The following PPP1R9A variants were observed in gnomAD, a reference collection of about 807,000 sequenced individuals.
PPP1R9A encodes protein phosphatase 1 regulatory subunit 9A, also known as neurabin-1.
In PPP1R9A, 59 loss-of-function variants were observed where a neutral mutation model predicts 141.9. That is an observed-to-expected ratio of 0.42 (90% CI 0.34 to 0.52). The LOEUF (loss-of-function observed/expected upper bound fraction) is 0.52. PPP1R9A is among the 20% of genes least tolerant of loss of function. The pLI, the probability that PPP1R9A is intolerant of heterozygous loss-of-function variation, is 0.10. For synonymous variants in PPP1R9A, 500 were observed against 569.7 expected, an observed-to-expected ratio of 0.88 and a Z score of 1.74; for missense variants, 1,444 against 1,611.9, an observed-to-expected ratio of 0.90 and a Z score of 1.78.
chr7:95,191,454 ATTTC>A (rs954951038), intron 5 of PPP1R9A, among the ~76,000 whole-genome samples: 55 of 152,262 alleles, frequency 3.6e-4, no homozygotes, highest in African/African-American at 1.3e-3. Context: ...AAACATTATC[ATTTC>A]TTTATGTTGG....
intron 4 of PPP1R9A, among the ~76,000 whole-genome samples, chr7:95,158,053 CTA>C (rs1829904692): frequency 6.6e-6 from 1 of 152,074 alleles, no homozygotes. Context: ...GAGAATTGCC[CTA>C]TGAAATGCAA....
chr7:95,029,299 T>A (rs1807327453), intron 2 of PPP1R9A, among the ~76,000 whole-genome samples: 1 of 152,224 alleles, frequency 6.6e-6, no homozygotes, highest in Non-Finnish European at 1.5e-5. Context: ...TTATTGTTAT[T>A]ATTGTTGTGT....
At chr7:94,971,230 G>T (rs544193816) in intron 2 of PPP1R9A, among the ~76,000 whole-genome samples, 3 of 152,158 alleles carry the variant, frequency 2.0e-5, no homozygotes, top group Non-Finnish European at 2.9e-5. Context: ...AGGGTGCAGT[G>T]GGGGAGGTCT....
At chr7:95,168,397 A>G (rs972771796) in intron 5 of PPP1R9A, among the ~76,000 whole-genome samples, 3 of 152,076 alleles carry the variant, frequency 2.0e-5, no homozygotes, top group Non-Finnish European at 4.4e-5. Flanking sequence ...TCAACTCAAT[A>G]TGGATTAAAG....
At chr7:94,943,806 A>G (rs1458120703) in intron 2 of PPP1R9A, among the ~76,000 whole-genome samples, 4 of 152,226 alleles carry the variant, frequency 2.6e-5, no homozygotes, top group Non-Finnish European at 4.4e-5. Flanking sequence ...AGCTTATGAA[A>G]GAGTTTAGAA....
chr7:95,081,342 A>T (rs1297213425), intron 2 of PPP1R9A, among the ~76,000 whole-genome samples: 1 of 152,226 alleles, frequency 6.6e-6, no homozygotes, highest in Non-Finnish European at 1.5e-5. Flanking sequence ...AAGAATTAGT[A>T]TACAAGAATA....
intron 4 of PPP1R9A, among the ~76,000 whole-genome samples, chr7:95,124,512 A>G (rs144164013): frequency 5.4e-4 from 82 of 152,238 alleles, no homozygotes; most frequent in African/African-American, 1.9e-3. Flanking sequence ...TTTGTAGAGA[A>G]TATATACCAC....
intron 2 of PPP1R9A, among the ~76,000 whole-genome samples, chr7:95,004,454 T>G (rs1803337073): frequency 1.3e-5 from 2 of 152,146 alleles, no homozygotes; most frequent in Non-Finnish European, 2.9e-5. Context: ...CACTATCCCA[T>G]TTCTGCTATA....
intron 8 of PPP1R9A, among the ~76,000 whole-genome samples, chr7:95,243,755 A>C (rs965914185): frequency 2.0e-5 from 3 of 152,112 alleles, no homozygotes; most frequent in Admixed American, 2.0e-4. Flanking sequence ...CTCTTTCCTC[A>C]TCTGAACCAT....
chr7:95,121,365 C>T (rs996029613), intron 4 of PPP1R9A, among the ~76,000 whole-genome samples: 2 of 152,086 alleles, frequency 1.3e-5, no homozygotes, highest in Non-Finnish European at 2.9e-5. Flanking sequence ...GCAGTCTGCA[C>T]CTTGGATAAT....
intron 13 of PPP1R9A, among the ~76,000 whole-genome samples, 163 bp downstream of exon 13, chr7:95,268,870 A>G (rs1801706440): frequency 6.6e-6 from 1 of 152,212 alleles, no homozygotes; most frequent in South Asian, 2.1e-4. Flanking sequence ...ATATTGTTGT[A>G]ATTCAAAATA....
intron 2 of PPP1R9A, among the ~76,000 whole-genome samples, chr7:95,019,182 G>GT (rs1805533122): frequency 6.6e-6 from 1 of 152,258 alleles, no homozygotes; most frequent in African/African-American, 2.4e-5. Context: ...ATCACTTGAG[G>GT]TTAGGAGTTC....
In PPP1R9A at chr7:95,247,488, G is replaced by A; in HGVS notation, c.2128G>A (p.Ala710Thr). The change falls in exon 9 of 20, where the codon GCA (alanine) becomes ACA (threonine). Residue 710 changes from alanine (A) to threonine (T), a missense_variant. By Grantham distance (58) the Ala-to-Thr change is moderately conservative (BLOSUM62 0). Coordinates refer to ENST00000433360, the MANE Select transcript of PPP1R9A (RefSeq NM_001166160.2). ...CAATTTTCAGTTGCAAATCAAACAT[G>A]CAGTTACAGAAGCAGAGATTCAAAA... ...HKFKELQIKH[A>T]VTEAEIQKLK... 6.2e-7 allele frequency: 1 copy of A among 1,607,612 alleles called. No homozygotes were observed. The highest frequency in any genetic ancestry group is 1.1e-5 in the South Asian group (1 of 90,292).
At chr7:95,205,979 C>A (rs912039604) in intron 7 of PPP1R9A, among the ~76,000 whole-genome samples, 1 of 151,976 alleles carries the variant, frequency 6.6e-6, no homozygotes. Flanking sequence ...AAAAAACAAA[C>A]GTGCATATTT....
intron 12 of PPP1R9A, among the ~76,000 whole-genome samples, chr7:95,266,681 T>A (rs1311147012): frequency 6.6e-6 from 1 of 152,022 alleles, no homozygotes; most frequent in Non-Finnish European, 1.5e-5. Context: ...TGAGATAGAG[T>A]ATGTGGCATG....
chr7:95,070,633 A>ATATATATATATATATATATATAC (rs1296970916), intron 2 of PPP1R9A, among the ~76,000 whole-genome samples: 1 of 147,196 alleles, frequency 6.8e-6, no homozygotes, highest in African/African-American at 2.5e-5. Flanking sequence ...ACATATATAT[A>ATATATATATATATATATATATAC]AGGTGTTTTT....
intron 2 of PPP1R9A, among the ~76,000 whole-genome samples, chr7:95,091,845 C>G (rs1817392246): frequency 7.0e-6 from 1 of 142,446 alleles, no homozygotes; most frequent in Non-Finnish European, 1.5e-5. Context: ...TTTTTTCAAA[C>G]TAAAGCTGTG....
At chr7:95,215,952 G>A (rs1424492121) in intron 7 of PPP1R9A, among the ~76,000 whole-genome samples, 8 of 152,194 alleles carry the variant, frequency 5.3e-5, no homozygotes, top group Admixed American at 2.0e-4. Context: ...AGTTTCTTTT[G>A]CTGTGAAGAA....
In PPP1R9A at chr7:95,273,859, T is replaced by C. The variant is rs1260011452; in HGVS notation, c.3125-40T>C. The C allele has an allele frequency of 2.1e-6, 3 of 1,428,572 alleles. No homozygotes were observed. In the Admixed American group the frequency reaches 6.2e-5, roughly 29 times the overall value. The allele number at this position is 1,428,572 out of a possible 1,614,324, so 88.5% of individuals were successfully genotyped here. The stretch of plus-strand genomic sequence containing the variant: ...GACTTTTGAATTGTGACTTTAAAAA[T>C]AATAATAATTGATCTTTTTCACAAA... On this transcript the variant is annotated intron_variant, in intron 14 of 19. Transcript: ENST00000433360.
Sources: gnomAD v4.1 joint callset for allele counts (sites outside exome capture counted in the v4.1 genomes callset) on GRCh38, gnomAD v4.1.1 for gene constraint, MANE v1.5 for transcripts, NCBI Gene and HGNC (gene_info 2026-07-23, HGNC 2026-07-21) for gene names.